Variants in UNC13A observed in about 807,000 individuals in gnomAD.
UNC13A encodes the protein unc-13 homolog A, also known as protein unc-13 homolog A.
A neutral mutation model predicts 219.7 loss-of-function variants in UNC13A; 61 were observed. The ratio of observed to expected loss-of-function variants is 0.28; its 90% CI spans 0.23 to 0.34. The LOEUF is 0.34. Ranked by LOEUF, UNC13A falls within the 10% of genes least tolerant of loss-of-function variation. The pLI, the probability that UNC13A is intolerant of heterozygous loss-of-function variation, is 1.00. For missense variants in UNC13A, 1,476 were observed against 2,270.3 expected, an observed-to-expected ratio of 0.65 and a Z score of 7.11; for synonymous variants, 920 against 884.6, an observed-to-expected ratio of 1.04 and a Z score of -0.71.
chr19:17,688,002 C>T (rs145375818), intron 1 of UNC13A, among the ~76,000 whole-genome samples, 176 bp downstream of exon 1: 138 of 152,024 alleles, frequency 9.1e-4, no homozygotes, highest in Middle Eastern at 3.4e-3. Flanking sequence ...CCTGCCGCGT[C>T]TACACGGATC....
At chr19:17,618,631 C>A in intron 39 of UNC13A, 130 bp from the exon 40 acceptor site, 1 of 938,562 alleles carries the variant, frequency 1.1e-6, no homozygotes, top group Non-Finnish European at 1.6e-6. Flanking sequence ...ATCCCAGCAC[C>A]CAATATGTGA....
chr19:17,687,600 C>T (rs2080138799), intron 1 of UNC13A, among the ~76,000 whole-genome samples: 1 of 152,146 alleles, frequency 6.6e-6, no homozygotes, highest in Non-Finnish European at 1.5e-5. Flanking sequence ...ACTCCCCCCA[C>T]TCCAGTCCTC....
Position 17,612,048 on chromosome 19 carries a change from C to T in UNC13A, c.4559-193G>A, listed in dbSNP as rs10422241. The T allele has an allele frequency of 1.3e-3, 668 of 526,608 alleles. 2 individuals are homozygous for T. Among genetic ancestry groups the T allele is most frequent in the African/African-American group, 9.5e-3 (506 of 53,084 alleles). 32.6% of individuals were successfully genotyped at this position (526,608 alleles called of 1,614,324 possible). ...AATCCTGGGTTCTGGCCTTTTACTG[C>T]CTTGCTGTGTGATCTTGGGTAGATT... is the stretch of plus-strand genomic sequence containing the variant. On this transcript the variant is annotated intron_variant, in intron 41 of 43. Transcript: ENST00000519716.
intron 8 of UNC13A, among the ~76,000 whole-genome samples, chr19:17,662,075 C>T (rs191639884): frequency 7.2e-4 from 109 of 152,172 alleles, no homozygotes; most frequent in Admixed American, 1.2e-3. Flanking sequence ...AACCCCATCT[C>T]TACTAAAAAT....
At chr19:17,626,605 C>T (rs367728371) in intron 34 of UNC13A, 28 bp downstream of exon 34, 51 of 1,520,412 alleles carry the variant, frequency 3.4e-5, no homozygotes, top group Admixed American at 2.0e-5. Context: ...CCCTCCCCGG[C>T]CAGCCCAGTC....
At chr19:17,678,763 AG>A (rs1331873063) in intron 1 of UNC13A, among the ~76,000 whole-genome samples, 3 of 146,694 alleles carry the variant, frequency 2.0e-5, no homozygotes, top group Non-Finnish European at 4.5e-5. Flanking sequence ...CTCTCTGTGA[AG>A]GGGGTGGGCA....
chr19:17,640,146 T>C (rs561499466), intron 22 of UNC13A, among the ~76,000 whole-genome samples: 1 of 152,226 alleles, frequency 6.6e-6, no homozygotes, highest in Non-Finnish European at 1.5e-5. Context: ...GCAATTCTCC[T>C]GCCTCAGCCT....
In UNC13A at chr19:17,604,870, TCTCA is replaced by T. The variant is rs2076504576; in HGVS notation, c.*1180_*1183del. 6.6e-6 allele frequency: 1 copy of T among 152,216 alleles called. No homozygotes were observed. The highest frequency in any genetic ancestry group is 6.6e-5 in the Admixed American group (1 of 15,258). 9.4% of individuals were successfully genotyped at this position (152,216 alleles called of 1,614,324 possible). On this transcript the variant is annotated 3_prime_UTR_variant, in exon 44 of 44. Coordinates refer to ENST00000519716, the MANE Select transcript of UNC13A (RefSeq NM_001080421.3). ...GTCACTGTGTTTGTGTTTCTCTCTC[TCTCA>T]TTCTCTTTCTCTCATTCTCTTTCTC...
intron 33 of UNC13A, 30 bp from the exon 34 acceptor site, chr19:17,626,815 C>A (rs759654958): frequency 6.3e-7 from 1 of 1,593,238 alleles, no homozygotes; most frequent in South Asian, 1.1e-5. Context: ...GGGCTCAGAC[C>A]ACAGGAAGGG....
At chr19:17,686,298 G>GCCC (rs533722538) in intron 1 of UNC13A, among the ~76,000 whole-genome samples, 7 of 81,890 alleles carry the variant, frequency 8.5e-5, no homozygotes, top group Non-Finnish European at 1.6e-4. Context: ...TGAGATCCCC[G>GCCC]CCCCCCCCCC....
At chr19:17,606,577 G>C (rs2076533390) in intron 43 of UNC13A, among the ~76,000 whole-genome samples, 1 of 152,126 alleles carries the variant, frequency 6.6e-6, no homozygotes, top group Non-Finnish European at 1.5e-5. Flanking sequence ...GCCCACGCCT[G>C]TTCTTCCCAT....
intron 1 of UNC13A, among the ~76,000 whole-genome samples, chr19:17,678,210 G>A (rs999567087): frequency 6.6e-6 from 1 of 152,154 alleles, no homozygotes; most frequent in Non-Finnish European, 1.5e-5. Flanking sequence ...CAGGCGCGGT[G>A]GCTCATGCCT....
intron 36 of UNC13A, chr19:17,623,247 C>G (rs1205456976): frequency 4.7e-6 from 2 of 421,608 alleles, no homozygotes; most frequent in African/African-American, 4.2e-5. Context: ...GGATTCTACC[C>G]TTAGACGGCA....
intron 1 of UNC13A, 32 bp downstream of exon 1, chr19:17,688,146 C>A: frequency 1.3e-6 from 2 of 1,526,486 alleles, no homozygotes; most frequent in Non-Finnish European, 1.8e-6. Flanking sequence ...CGCGTCCACA[C>A]GGGTCCCCCG....
At chr19:17,642,982 C>T (rs1286814608) in intron 19 of UNC13A, 22 bp from the exon 20 acceptor site, 2 of 1,579,042 alleles carry the variant, frequency 1.3e-6, no homozygotes, top group South Asian at 1.2e-5. Context: ...AAAAAGAAGA[C>T]AGTGTCAGAA....
chr19:17,679,060 A>C (rs549877427), intron 1 of UNC13A, among the ~76,000 whole-genome samples: 2 of 152,148 alleles, frequency 1.3e-5, no homozygotes, highest in South Asian at 4.2e-4. Flanking sequence ...GGAGTTCAAG[A>C]CCAGCCTGGG....
chr19:17,630,625 G>A (rs760364724), intron 29 of UNC13A, 29 bp downstream of exon 29: 2 of 1,612,384 alleles, frequency 1.2e-6, no homozygotes, highest in Non-Finnish European at 1.7e-6. Context: ...GGGAAGATTA[G>A]GAACTTGGTT....
chr19:17,615,396 A>G (rs1418691219), intron 41 of UNC13A, among the ~76,000 whole-genome samples: 1 of 152,056 alleles, frequency 6.6e-6, no homozygotes, highest in Non-Finnish European at 1.5e-5. Context: ...CAAAATGGCC[A>G]GGCGCTGGGA....
chr19:17,635,247 C>A (rs1330304161), intron 26 of UNC13A, among the ~76,000 whole-genome samples: 2 of 151,910 alleles, frequency 1.3e-5, no homozygotes, highest in Non-Finnish European at 2.9e-5. Context: ...ATGATCCACC[C>A]ACCTTGGCCT....
Sources: gnomAD v4.1 joint callset for allele counts (sites outside exome capture counted in the v4.1 genomes callset) on GRCh38, gnomAD v4.1.1 for gene constraint, MANE v1.5 for transcripts, NCBI Gene and HGNC (gene_info 2026-07-23, HGNC 2026-07-21) for gene names.